ANKRD10: variants seen among roughly 807,000 people sequenced by gnomAD.
ANKRD10 encodes the protein ankyrin repeat domain 10.
In ANKRD10, 14 loss-of-function variants were observed where a neutral mutation model predicts 27.0. That is an observed-to-expected ratio of 0.52 (90% CI 0.34 to 0.81). The LOEUF (loss-of-function observed/expected upper bound fraction) is 0.81, where lower values mean the gene tolerates loss of function less well. Among genes scored for constraint, ANKRD10 ranks in the 40% least tolerant of loss-of-function variants. The probability of loss-of-function intolerance (pLI) is 0.01; values close to 1 mark genes in which losing one functional copy is unlikely to be tolerated. For synonymous variants in ANKRD10, 250 were observed against 224.5 expected (o/e 1.11, Z -1.01); for missense variants, 493 against 544.0 (o/e 0.91, Z 0.93).
intron 2 of ANKRD10, among the ~76,000 whole-genome samples, chr13:110,910,406 CA>C (rs1468242537): frequency 6.6e-6 from 1 of 152,162 alleles, no homozygotes; most frequent in Non-Finnish European, 1.5e-5. Context: ...GTTTATCACA[CA>C]ACAGGTGAAA....
rs984409832 is a variant in ANKRD10, at chr13:110,879,370, G to A, written c.*267C>T. On this transcript the variant is annotated 3_prime_UTR_variant, in exon 6 of 6. Transcript: ENST00000267339. Reference sequence around the variant, plus strand: ...CAATATCTGGTGACAGTATTAAAAAGACAATGTTGAGATTGGCATCAGAAA... The same window carrying A: ...CAATATCTGGTGACAGTATTAAAAAAACAATGTTGAGATTGGCATCAGAAA... 13 of 435,654 alleles carry A rather than the reference G, an allele frequency of 3.0e-5. No homozygotes were observed. In the South Asian group the frequency reaches 3.7e-4, roughly 12 times the overall value. 27.0% of individuals were successfully genotyped at this position (435,654 alleles called of 1,614,324 possible). A position where few individuals can be genotyped will look rare whatever the true frequency, so the allele number is the denominator to read the frequency against.
intron 3 of ANKRD10, among the ~76,000 whole-genome samples, chr13:110,897,203 C>T (rs1008070995): frequency 6.6e-6 from 1 of 151,790 alleles, no homozygotes; most frequent in Non-Finnish European, 1.5e-5. Flanking sequence ...CATAGTTCAC[C>T]ACACCCTGGA....
At position 110,879,852 on chromosome 13, in the gene ANKRD10, G is replaced by A. The variant is rs780758838; in HGVS notation, c.1048C>T (p.Leu350=). Residue 350 remains leucine, a synonymous_variant, in exon 6 of 6, where the codon CTG becomes TTG. Transcript: ENST00000267339. ...ATGCAGCTACTTGGACTCCCGTTCAGGTGCAGAGAACCGCACAACTCAGGG... is the reference window on the plus strand; with the variant it reads ...ATGCAGCTACTTGGACTCCCGTTCAAGTGCAGAGAACCGCACAACTCAGGG... The part of the protein sequence containing the change: ...ANPELCGSLH[L]NGSPSSCIAS... 6.2e-7 allele frequency: 1 copy of A among 1,614,232 alleles called. No homozygotes were observed. Among genetic ancestry groups the A allele is most frequent in the Non-Finnish European group, 8.5e-7 (1 of 1,180,048 alleles).
chr13:110,906,311 G>C (rs1481056991), intron 2 of ANKRD10, among the ~76,000 whole-genome samples, 187 bp from the exon 3 acceptor site: 3 of 152,046 alleles, frequency 2.0e-5, no homozygotes, highest in African/African-American at 7.2e-5. Context: ...ACCAGGAGGG[G>C]CCAAGATATT....
At chr13:110,912,206 A>G (rs1398667236) in intron 1 of ANKRD10, among the ~76,000 whole-genome samples, 1 of 152,254 alleles carries the variant, frequency 6.6e-6, no homozygotes, top group African/African-American at 2.4e-5. Context: ...GGAACAAGCT[A>G]TGCCTGACTG....
In ANKRD10 at chr13:110,903,732, C is replaced by T. The variant is rs969022256; in HGVS notation, c.455+2301G>A. Among the ~76,000 whole-genome samples the T allele has an allele frequency of 2.0e-5, 3 of 152,254 alleles. No individual in the cohort carries two copies. In the South Asian group the frequency reaches 6.2e-4, roughly 32 times the overall value. ...ATTTAATAATACTGATATAAGGCAG[C>T]TTTTAATCTATTCACAGGAAAAGGA... On this transcript the variant is annotated intron_variant, in intron 3 of 5. Transcript: ENST00000267339.
intron 1 of ANKRD10, 126 bp downstream of exon 1, chr13:110,914,599 G>A: frequency 7.2e-7 from 1 of 1,386,614 alleles, no homozygotes; most frequent in Non-Finnish European, 9.5e-7. Context: ...CGGGGCACAG[G>A]CGCCGTCGAT....
At chr13:110,885,422 C>T (rs1429628071) in intron 4 of ANKRD10, among the ~76,000 whole-genome samples, 5 of 152,092 alleles carry the variant, frequency 3.3e-5, no homozygotes, top group Admixed American at 2.6e-4. Context: ...GTGGCGAGTG[C>T]CTGTAGTCCC....
At chr13:110,908,795 C>T (rs2065609834) in intron 2 of ANKRD10, among the ~76,000 whole-genome samples, 1 of 152,166 alleles carries the variant, frequency 6.6e-6, no homozygotes, top group African/African-American at 2.4e-5. Context: ...CGGATGTAAA[C>T]TCCACATGCC....
At chr13:110,884,793 T>C (rs1032660233) in intron 4 of ANKRD10, among the ~76,000 whole-genome samples, 2 of 152,218 alleles carry the variant, frequency 1.3e-5, no homozygotes, top group Non-Finnish European at 2.9e-5. Flanking sequence ...GGCCAAAGAA[T>C]ATACACCACA....
At chr13:110,905,502 A>C (rs34123604) in intron 3 of ANKRD10, among the ~76,000 whole-genome samples, 52,294 of 152,118 alleles carry the variant, frequency 0.34, 9,505 homozygotes, top group South Asian at 0.43. Flanking sequence ...GTAAATAGTC[A>C]TATTTTACAA....
In ANKRD10 at chr13:110,893,278, A is replaced by G. The variant is rs775271172; in HGVS notation, c.456-15T>C. ...CATTTCTCAGGCTGTACAACACAAA[A>G]ACACTGAATTACACCCCATCCGCGT... On this transcript the variant is annotated splice_polypyrimidine_tract_variant and intron_variant, in intron 3 of 5. Transcript: ENST00000267339. The G allele has an allele frequency of 6.2e-7, 1 of 1,612,822 alleles. No homozygotes were observed. Among genetic ancestry groups the G allele is most frequent in the Admixed American group, 1.7e-5 (1 of 59,976 alleles).
At chr13:110,904,007 T>C (rs1241899321) in intron 3 of ANKRD10, 3 of 152,164 alleles carry the variant, frequency 2.0e-5, no homozygotes, top group Non-Finnish European at 4.4e-5. Context: ...CTAAATGGGG[T>C]AAATTATTAA....
At chr13:110,898,977 G>C (rs902197460) in intron 3 of ANKRD10, 1 of 151,996 alleles carries the variant, frequency 6.6e-6, no homozygotes, top group Non-Finnish European at 1.5e-5. Flanking sequence ...GGCTGGTCTT[G>C]AACTCCTGAC....
chr13:110,897,572 C>T (rs1183125599), intron 3 of ANKRD10, among the ~76,000 whole-genome samples: 2 of 152,108 alleles, frequency 1.3e-5, no homozygotes, highest in Middle Eastern at 3.4e-3. Context: ...TAGTATTCCA[C>T]GGGGTATATA....
At position 110,914,788 on chromosome 13, in the gene ANKRD10, G is replaced by A. The variant is rs764131048; in HGVS notation, c.147C>T (p.His49=). 1 of 1,597,196 alleles carries A rather than the reference G, an allele frequency of 6.3e-7. No homozygotes were observed. The highest frequency in any genetic ancestry group is 1.1e-5 in the South Asian group (1 of 88,278). ...CATAGAAGGAGTCCTCAGAGGCCAGGTGGGCGTGGGGTGTCTGCTGCAGCA... is the reference window on the plus strand; with the variant it reads ...CATAGAAGGAGTCCTCAGAGGCCAGATGGGCGTGGGGTGTCTGCTGCAGCA... ...CSLLQQTPHA[H]LASEDSFYGW... Residue 49 remains histidine (H), a synonymous_variant, in exon 1 of 6, where the codon CAC becomes CAT. Coordinates refer to ENST00000267339, the MANE Select transcript of ANKRD10 (RefSeq NM_017664.4).
At chr13:110,914,322 C>G (rs941807547) in intron 1 of ANKRD10, among the ~76,000 whole-genome samples, 2 of 152,212 alleles carry the variant, frequency 1.3e-5, no homozygotes, top group African/African-American at 2.4e-5. Flanking sequence ...GCCTAATACC[C>G]GGCTCTGCGA....
intron 4 of ANKRD10, among the ~76,000 whole-genome samples, chr13:110,887,161 G>A (rs1411845805): frequency 6.6e-6 from 1 of 152,152 alleles, no homozygotes; most frequent in Non-Finnish European, 1.5e-5. Context: ...CTCCACTTGG[G>A]GCTGATGCCC....
intron 4 of ANKRD10, among the ~76,000 whole-genome samples, chr13:110,885,619 C>A (rs1036749898): frequency 6.6e-6 from 1 of 151,950 alleles, no homozygotes; most frequent in Non-Finnish European, 1.5e-5. Flanking sequence ...AGCAGATCCC[C>A]CAAGTGTGCC....
Sources: allele counts gnomAD v4.1 joint callset (sites outside exome capture counted in the v4.1 genomes callset), GRCh38; gene constraint gnomAD v4.1.1; transcripts MANE v1.5; gene names NCBI Gene and HGNC (gene_info 2026-07-23, HGNC 2026-07-21).